PCDH15: variants seen among roughly 807,000 people sequenced by gnomAD.
The protein encoded by PCDH15 is protocadherin-15.
In PCDH15, 129 loss-of-function variants were observed where a neutral mutation model predicts 178.5. The ratio of observed to expected loss-of-function variants is 0.72; its 90% CI spans 0.63 to 0.84. The LOEUF (loss-of-function observed/expected upper bound fraction) is 0.84. Ranked by LOEUF, PCDH15 falls within the 40% of genes least tolerant of loss-of-function variation. The pLI, the probability that PCDH15 is intolerant of heterozygous loss-of-function variation, is 0.00. For missense variants in PCDH15, 2,230 were observed against 2,099.9 expected (o/e 1.06, Z -1.21); for synonymous variants, 800 against 732.0 (o/e 1.09, Z -1.50).
chr10:53,824,328 C>CTCAT (rs1404421737), intron 32 of PCDH15, among the ~76,000 whole-genome samples: 1 of 152,104 alleles, frequency 6.6e-6, no homozygotes, highest in African/African-American at 2.4e-5. Flanking sequence ...GTTCCGAATT[C>CTCAT]TCATTAGCTT....
intron 3 of PCDH15, among the ~76,000 whole-genome samples, chr10:54,404,034 T>C (rs1952284065): frequency 6.6e-6 from 1 of 152,080 alleles, no homozygotes; most frequent in Non-Finnish European, 1.5e-5. Context: ...AAAATACCTA[T>C]AATATCCAAA....
intron 14 of PCDH15, among the ~76,000 whole-genome samples, chr10:54,148,876 CA>C (rs2133279862): frequency 6.6e-6 from 1 of 151,964 alleles, no homozygotes; most frequent in Admixed American, 6.6e-5. Context: ...ATGGATTTTA[CA>C]AAAACATGTT....
intron 2 of PCDH15, among the ~76,000 whole-genome samples, chr10:55,073,060 A>G (rs547216888): frequency 6.6e-6 from 1 of 152,322 alleles, no homozygotes; most frequent in African/African-American, 2.4e-5. Flanking sequence ...TTTTCATGCT[A>G]AAAACTCTCA....
chr10:54,110,711 T>C (rs554975239), intron 15 of PCDH15, among the ~76,000 whole-genome samples: 28 of 152,324 alleles, frequency 1.8e-4, no homozygotes, highest in Non-Finnish European at 2.1e-4. Context: ...TGGAGCTTTC[T>C]TTAAAAAAAG....
chr10:54,295,300 T>G (rs1332391881), intron 8 of PCDH15, among the ~76,000 whole-genome samples: 1 of 151,552 alleles, frequency 6.6e-6, no homozygotes, highest in Admixed American at 6.6e-5. Flanking sequence ...ACCAATCAAT[T>G]CTCTGTAAAA....
chr10:53,880,629 A>G (rs950045248), intron 26 of PCDH15, among the ~76,000 whole-genome samples: 1 of 152,076 alleles, frequency 6.6e-6, no homozygotes, highest in Non-Finnish European at 1.5e-5. Flanking sequence ...TATTGCTTTC[A>G]TAGTAAAAGA....
intron 1 of PCDH15, among the ~76,000 whole-genome samples, chr10:55,252,778 C>G (rs756161826): frequency 3.3e-5 from 5 of 151,934 alleles, no homozygotes; most frequent in Non-Finnish European, 5.9e-5. Flanking sequence ...ATAAAGGAGA[C>G]TAATTTAAGC....
intron 3 of PCDH15, among the ~76,000 whole-genome samples, chr10:54,806,965 G>T (rs1952788302): frequency 1.3e-5 from 2 of 152,146 alleles, no homozygotes; most frequent in Non-Finnish European, 2.9e-5. Flanking sequence ...CATCTGTATT[G>T]CAACGTAATC....
At position 54,579,224 on chromosome 10, in the gene PCDH15, T is replaced by A. The variant is rs556736473; in HGVS notation, c.92-51347A>T. On this transcript the variant is annotated intron_variant, in intron 2 of 37. Coordinates refer to ENST00000644397, the MANE Select transcript of PCDH15 (RefSeq NM_001384140.1). ...TGCAAGTTGTATAAAACACAAAGACTCATCCATCTGCTGTCTTCAAGAGAC... is the reference window on the plus strand; with the variant it reads ...TGCAAGTTGTATAAAACACAAAGACACATCCATCTGCTGTCTTCAAGAGAC... 1.8e-3 allele frequency among the ~76,000 whole-genome samples: 279 copies of A among 152,092 alleles called. 1 individual carries two copies. Among genetic ancestry groups the A allele is most frequent in the African/African-American group, 6.6e-3 (274 of 41,508 alleles).
intron 2 of PCDH15, among the ~76,000 whole-genome samples, chr10:55,415,470 T>C (rs1187118343): frequency 1.3e-5 from 2 of 151,676 alleles, no homozygotes; most frequent in Non-Finnish European, 3.0e-5. Flanking sequence ...CTAGAGGAGA[T>C]AAAAGGACGT....
intron 2 of PCDH15, among the ~76,000 whole-genome samples, chr10:55,022,796 C>T (rs1422400375): frequency 1.0e-4 from 15 of 150,594 alleles, no homozygotes; most frequent in African/African-American, 2.2e-4. Context: ...CTGCAAGCTC[C>T]GCCTCCCGCG....
intron 2 of PCDH15, among the ~76,000 whole-genome samples, chr10:55,590,788 T>C (rs1233565060): frequency 6.6e-6 from 1 of 152,182 alleles, no homozygotes; most frequent in African/African-American, 2.4e-5. Flanking sequence ...TCAATGCCAA[T>C]TATTTCTTTT....
intron 2 of PCDH15, among the ~76,000 whole-genome samples, chr10:55,512,110 C>T (rs1024006002): frequency 3.3e-5 from 5 of 151,942 alleles, no homozygotes; most frequent in Admixed American, 6.6e-5. Flanking sequence ...GTGCTGGAAA[C>T]GAGAGGTATT....
At chr10:54,844,866 CTT>C (rs1457885270) in intron 3 of PCDH15, among the ~76,000 whole-genome samples, 2 of 151,764 alleles carry the variant, frequency 1.3e-5, no homozygotes, top group South Asian at 4.1e-4. Flanking sequence ...TCAATAATGA[CTT>C]TTAAAAAAAC....
chr10:54,867,953 T>A (rs1262934585), intron 3 of PCDH15, among the ~76,000 whole-genome samples: 2 of 152,098 alleles, frequency 1.3e-5, no homozygotes, highest in Non-Finnish European at 2.9e-5. Flanking sequence ...CTAAGAAAAA[T>A]AGACCTTTAA....
At chr10:54,613,168 A>G (rs1204019952) in intron 2 of PCDH15, among the ~76,000 whole-genome samples, 1 of 151,868 alleles carries the variant, frequency 6.6e-6, no homozygotes, top group Non-Finnish European at 1.5e-5. Flanking sequence ...TTAGAGAGTG[A>G]AAGAGTTCAC....
At chr10:54,917,277 T>G (rs1837359546) in intron 2 of PCDH15, among the ~76,000 whole-genome samples, 1 of 152,064 alleles carries the variant, frequency 6.6e-6, no homozygotes, top group Admixed American at 6.6e-5. Context: ...GTCAGAAAAA[T>G]AAGAAGAGCC....
intron 1 of PCDH15, among the ~76,000 whole-genome samples, chr10:55,314,199 G>GTGTATATA (rs1242319689): frequency 2.8e-5 from 4 of 142,834 alleles, no homozygotes; most frequent in Non-Finnish European, 1.5e-5. Context: ...ATGTTTGTGT[G>GTGTATATA]TATATATATA....
chr10:54,906,206 A>G (rs978178614), intron 2 of PCDH15, among the ~76,000 whole-genome samples: 43 of 152,218 alleles, frequency 2.8e-4, no homozygotes, highest in African/African-American at 9.1e-4. Flanking sequence ...ATACTTCCAG[A>G]ATATTATCCA....
Sources: allele counts gnomAD v4.1 joint callset (sites outside exome capture counted in the v4.1 genomes callset), GRCh38; gene constraint gnomAD v4.1.1; transcripts MANE v1.5; gene names NCBI Gene and HGNC (gene_info 2026-07-23, HGNC 2026-07-21).